The following DNM3 variants were observed in gnomAD, a reference collection of about 807,000 sequenced individuals.
DNM3 encodes dynamin 3, also known as dynamin-3.
A neutral mutation model predicts 101.6 loss-of-function variants in DNM3; 47 were observed. The observed-to-expected ratio is 0.46, with a 90% CI of 0.37 to 0.59. DNM3 has a LOEUF of 0.59. Among genes scored for constraint, DNM3 ranks in the 20% least tolerant of loss-of-function variants. The pLI, the probability that DNM3 is intolerant of heterozygous loss-of-function variation, is 0.00. For missense variants in DNM3, 849 were observed against 1,085.7 expected, an observed-to-expected ratio of 0.78 and a Z score of 3.06; for synonymous variants, 385 against 387.9, an observed-to-expected ratio of 0.99 and a Z score of 0.09.
intron 17 of DNM3, among the ~76,000 whole-genome samples, chr1:172,326,347 T>C (rs1050173878): frequency 4.6e-5 from 7 of 152,172 alleles, no homozygotes; most frequent in African/African-American, 1.7e-4. Context: ...TATCTCCTCC[T>C]AAGATGGGTT....
intron 16 of DNM3, among the ~76,000 whole-genome samples, chr1:172,316,854 C>A (rs1264064433): frequency 6.6e-6 from 1 of 152,008 alleles, no homozygotes; most frequent in Non-Finnish European, 1.5e-5. Context: ...AACAAGGATA[C>A]CCAGGAATTG....
rs555767792 is a variant in DNM3, at chr1:172,406,972, C to CTTAT, written c.2523-798_2523-795dup. Among the ~76,000 whole-genome samples the CTTAT allele has an allele frequency of 5.6e-3, 852 of 151,860 alleles. 17 individuals carry two copies. Among genetic ancestry groups the CTTAT allele is most frequent in the African/African-American group, 0.019 (807 of 41,484 alleles). On this transcript the variant is annotated intron_variant, in intron 20 of 20. Transcript: ENST00000627582. ...CAAGTACACAAATACACTAAAAAAA[C>CTTAT]TTATTAATATATTTAGGAAATAAAT... is the stretch of plus-strand genomic sequence containing the variant.
At chr1:171,876,484 C>T (rs899103494) in intron 1 of DNM3, among the ~76,000 whole-genome samples, 2 of 152,114 alleles carry the variant, frequency 1.3e-5, no homozygotes, top group African/African-American at 4.8e-5. Context: ...ACCCCAGCCA[C>T]ATCTCATCTC....
intron 14 of DNM3, among the ~76,000 whole-genome samples, chr1:172,156,376 G>C (rs908788793): frequency 6.6e-6 from 1 of 152,044 alleles, no homozygotes; most frequent in African/African-American, 2.4e-5. Flanking sequence ...AGGCTCTGTA[G>C]TACTAACAGA....
chr1:171,919,452 C>T (rs903183876), intron 1 of DNM3, among the ~76,000 whole-genome samples: 2 of 151,866 alleles, frequency 1.3e-5, no homozygotes, highest in African/African-American at 4.8e-5. Flanking sequence ...TGATGGTTTC[C>T]AGCTTTATCC....
intron 14 of DNM3, among the ~76,000 whole-genome samples, chr1:172,142,680 T>A (rs2057647948): frequency 6.6e-6 from 1 of 151,116 alleles, no homozygotes; most frequent in African/African-American, 2.4e-5. Flanking sequence ...AGAAAGAAAT[T>A]GAAATTAAAT....
At chr1:172,098,566 G>A (rs1185604937) in intron 13 of DNM3, among the ~76,000 whole-genome samples, 1 of 152,096 alleles carries the variant, frequency 6.6e-6, no homozygotes, top group African/African-American at 2.4e-5. Flanking sequence ...CGAAGATGAC[G>A]GGATTAAGAG....
chr1:172,309,043 A>G (rs1267107880), intron 16 of DNM3: 2 of 434,424 alleles, frequency 4.6e-6, no homozygotes, highest in Non-Finnish European at 8.1e-6. Flanking sequence ...GAAGTTAAAC[A>G]ATATATTTGT....
chr1:172,093,398 T>G (rs536063308), intron 13 of DNM3, among the ~76,000 whole-genome samples: 1 of 152,346 alleles, frequency 6.6e-6, no homozygotes, highest in South Asian at 2.1e-4. Context: ...TTTTGTGTTT[T>G]GGGCTGACCA....
At chr1:172,015,226 T>C (rs1271207022) in intron 4 of DNM3, among the ~76,000 whole-genome samples, 1 of 152,178 alleles carries the variant, frequency 6.6e-6, no homozygotes, top group African/African-American at 2.4e-5. Context: ...TTTGTTCTTC[T>C]TTTATATTGT....
chr1:172,345,371 G>A (rs2066880685), intron 17 of DNM3, among the ~76,000 whole-genome samples: 1 of 152,150 alleles, frequency 6.6e-6, no homozygotes, highest in Admixed American at 6.5e-5. Context: ...CAATAATGTT[G>A]GAAGACAAAA....
intron 2 of DNM3, among the ~76,000 whole-genome samples, chr1:171,985,898 C>T (rs1027056033): frequency 6.6e-6 from 1 of 152,134 alleles, no homozygotes; most frequent in Admixed American, 6.5e-5. Flanking sequence ...AGGAGACAAA[C>T]TTAGGGTGCT....
chr1:171,964,300 C>T (rs1186231297), intron 2 of DNM3, among the ~76,000 whole-genome samples: 1 of 152,144 alleles, frequency 6.6e-6, no homozygotes, highest in Non-Finnish European at 1.5e-5. Context: ...AAGCCTGCTA[C>T]TGGAGGCTTC....
intron 14 of DNM3, among the ~76,000 whole-genome samples, chr1:172,185,658 A>G (rs544976878): frequency 1.3e-5 from 2 of 152,242 alleles, no homozygotes; most frequent in African/African-American, 4.8e-5. Flanking sequence ...TCATTTTTCT[A>G]GACTTTGGTA....
chr1:172,385,817 C>A (rs1004372239), intron 18 of DNM3, among the ~76,000 whole-genome samples: 11 of 152,180 alleles, frequency 7.2e-5, no homozygotes, highest in African/African-American at 2.7e-4. Context: ...TAAGAGTTAG[C>A]TTTCTCATGT....
chr1:172,003,000 T>A (rs1471021941), intron 4 of DNM3, among the ~76,000 whole-genome samples: 2 of 151,994 alleles, frequency 1.3e-5, no homozygotes. Flanking sequence ...TTGTGGAGTT[T>A]GAATGTAGAA....
intron 18 of DNM3, among the ~76,000 whole-genome samples, chr1:172,379,684 G>A (rs546882731): frequency 3.3e-4 from 50 of 151,902 alleles, no homozygotes; most frequent in African/African-American, 1.1e-3. Context: ...TTATTCCCTC[G>A]GATTAAAAAC....
chr1:171,959,179 G>C (rs903738768), intron 2 of DNM3, among the ~76,000 whole-genome samples: 8 of 152,230 alleles, frequency 5.3e-5, no homozygotes, highest in Admixed American at 5.2e-4. Context: ...GAAGGGGGAA[G>C]TATATGGGTG....
intron 10 of DNM3, among the ~76,000 whole-genome samples, chr1:172,066,930 ATCTC>A (rs773258323): frequency 6.9e-6 from 1 of 145,030 alleles, no homozygotes; most frequent in Non-Finnish European, 1.5e-5. Context: ...TTAGGTTGAG[ATCTC>A]TCTCTCTGTC....
Sources: allele counts gnomAD v4.1 joint callset (sites outside exome capture counted in the v4.1 genomes callset), GRCh38; gene constraint gnomAD v4.1.1; transcripts MANE v1.5; gene names NCBI Gene and HGNC (gene_info 2026-07-23, HGNC 2026-07-21).